Variants in TNFRSF21 observed in about 807,000 individuals in gnomAD.
The protein encoded by TNFRSF21 is tumor necrosis factor receptor superfamily member 21.
Under a neutral mutation model 45.6 loss-of-function variants are expected in TNFRSF21, and 19 were observed. The ratio of observed to expected loss-of-function variants is 0.42; its 90% CI spans 0.29 to 0.61. The LOEUF is 0.61. TNFRSF21 is among the 20% of genes least tolerant of loss of function. The pLI, the probability that TNFRSF21 is intolerant of heterozygous loss-of-function variation, is 0.23. For synonymous variants in TNFRSF21, 314 were observed against 335.5 expected, an observed-to-expected ratio of 0.94 and a Z score of 0.70; for missense variants, 737 against 851.5, an observed-to-expected ratio of 0.87 and a Z score of 1.67.
intron 1 of TNFRSF21, among the ~76,000 whole-genome samples, chr6:47,299,256 C>T (rs965749420): frequency 3.3e-5 from 5 of 152,086 alleles, no homozygotes; most frequent in African/African-American, 1.2e-4. Context: ...TTTGGGAGGC[C>T]GAGGCAGGAG....
rs549927539 is a variant in TNFRSF21 at position 47,301,960 on chromosome 6, C to T, written c.96+7456G>A. ...GGAATCTCTTTCTTCCTTCCCAACA[C>T]CCCCACCTCTCCTAATCCTGGGCAA... is the stretch of plus-strand genomic sequence containing the variant. On this transcript the variant is annotated intron_variant, in intron 1 of 5. Coordinates refer to ENST00000296861, the MANE Select transcript of TNFRSF21 (RefSeq NM_014452.5). 2.1e-4 allele frequency among the ~76,000 whole-genome samples: 32 copies of T among 152,310 alleles called. No homozygotes were observed. The South Asian group carries it at 6.6e-3, about 32-fold the overall frequency.
intron 3 of TNFRSF21, among the ~76,000 whole-genome samples, chr6:47,255,152 T>C (rs1253567444): frequency 1.3e-5 from 2 of 152,142 alleles, no homozygotes; most frequent in African/African-American, 2.4e-5. Context: ...ACCCAGTGAG[T>C]GTGCATCTGT....
At chr6:47,242,788 C>A (rs1454835373) in intron 4 of TNFRSF21, among the ~76,000 whole-genome samples, 1 of 152,214 alleles carries the variant, frequency 6.6e-6, no homozygotes, top group Non-Finnish European at 1.5e-5. Context: ...TGGTTCAGAG[C>A]TGGAGCCCAC....
chr6:47,261,093 AC>A (rs560166640), intron 3 of TNFRSF21, among the ~76,000 whole-genome samples: 195 of 151,540 alleles, frequency 1.3e-3, no homozygotes, highest in East Asian at 2.1e-3. Flanking sequence ...CCCTTCTAAC[AC>A]CCCCCCAAAC....
chr6:47,242,920 A>G lies in TNFRSF21; in HGVS notation c.1510-8022T>C, dbSNP rs369773375. Reference sequence around the variant, plus strand: ...CTTCTATTGGAAAATCTTTCCCACAAAAAAGCCTTTCGATAATTCTATCCA... The same window carrying G: ...CTTCTATTGGAAAATCTTTCCCACAGAAAAGCCTTTCGATAATTCTATCCA... On this transcript the variant is annotated intron_variant, in intron 4 of 5. Transcript: ENST00000296861. Among the ~76,000 whole-genome samples the G allele has an allele frequency of 1.6e-4, 24 of 152,346 alleles. No individual in the cohort carries two copies. In the East Asian group the frequency reaches 4.6e-3, roughly 29 times the overall value.
intron 4 of TNFRSF21, among the ~76,000 whole-genome samples, chr6:47,235,421 G>A (rs1419217544): frequency 3.3e-5 from 5 of 152,170 alleles, no homozygotes; most frequent in Non-Finnish European, 7.3e-5. Flanking sequence ...GGACACAGAC[G>A]CACACAGAGG....
chr6:47,249,770 A>T (rs1046213926), intron 4 of TNFRSF21, among the ~76,000 whole-genome samples: 16 of 152,176 alleles, frequency 1.1e-4, no homozygotes, highest in Non-Finnish European at 2.2e-4. Flanking sequence ...TAAAATGGTA[A>T]AAAGTACACA....
intron 5 of TNFRSF21, among the ~76,000 whole-genome samples, chr6:47,234,264 G>A (rs1252276297): frequency 6.6e-6 from 1 of 152,120 alleles, no homozygotes; most frequent in African/African-American, 2.4e-5. Context: ...GGCGTGAGCT[G>A]CTGCGCACGG....
intron 3 of TNFRSF21, among the ~76,000 whole-genome samples, chr6:47,272,785 G>A (rs1762442112): frequency 6.6e-6 from 1 of 151,796 alleles, no homozygotes; most frequent in South Asian, 2.1e-4. Flanking sequence ...TAATAAAGAA[G>A]AAGAGAGAAG....
rs933495396 is a variant in TNFRSF21 at position 47,309,634 on chromosome 6, C to T, written c.-123G>A. 4.6e-5 allele frequency: 61 copies of T among 1,312,584 alleles called. No individual in the cohort carries two copies. The highest frequency in any genetic ancestry group is 5.9e-5 in the Non-Finnish European group (60 of 1,022,428). The allele number at this position is 1,312,584 out of a possible 1,614,324, so 81.3% of individuals were successfully genotyped here. On this transcript the variant is annotated 5_prime_UTR_variant, in exon 1 of 6. The change creates a new upstream start codon in the 5' untranslated region. Coordinates refer to ENST00000296861, the MANE Select transcript of TNFRSF21 (RefSeq NM_014452.5). ...GCCGGGAGCCCATCTACCTCCAACA[C>T]CCCATGTGCACTGCTGCGGCCGGGC...
rs994269711 is a variant in TNFRSF21 at position 47,309,730 on chromosome 6, G to C, written c.-219C>G. 2 of 530,114 alleles carry C rather than the reference G, an allele frequency of 3.8e-6. No homozygotes were observed. The highest frequency in any genetic ancestry group is 5.8e-6 in the Non-Finnish European group (2 of 343,238). 32.8% of individuals were successfully genotyped at this position (530,114 alleles called of 1,614,324 possible). The stretch of plus-strand genomic sequence containing the variant: ...GCCCAGCGGCGCGGCCGCCCAGGCG[G>C]GGAGAAGCCGCCGCGACTGCAGCCC... On this transcript the variant is annotated 5_prime_UTR_variant, in exon 1 of 6. Coordinates refer to ENST00000296861, the MANE Select transcript of TNFRSF21 (RefSeq NM_014452.5).
At chr6:47,290,790 G>C (rs1010982686) in intron 1 of TNFRSF21, among the ~76,000 whole-genome samples, 2 of 152,176 alleles carry the variant, frequency 1.3e-5, no homozygotes, top group South Asian at 4.1e-4. Flanking sequence ...CTAGAAATGA[G>C]ATTTAGCAAA....
rs1188385291 is a variant in TNFRSF21 at position 47,272,829 on chromosome 6, G to A, written c.1243+11109C>T. 2.6e-5 allele frequency among the ~76,000 whole-genome samples: 4 copies of A among 152,038 alleles called. No individual in the cohort carries two copies. In the South Asian group the frequency reaches 8.3e-4, roughly 32 times the overall value. ...TGATGCAATAAAAAATGATAAAAGG[G>A]ATATCACCACCGATCCCACAGAAAT... On this transcript the variant is annotated intron_variant, in intron 3 of 5. Coordinates refer to ENST00000296861, the MANE Select transcript of TNFRSF21 (RefSeq NM_014452.5).
intron 3 of TNFRSF21, among the ~76,000 whole-genome samples, chr6:47,254,963 C>CCTGTATGTGTA (rs1174627470): frequency 2.0e-5 from 3 of 152,182 alleles, no homozygotes; most frequent in African/African-American, 4.8e-5. Flanking sequence ...GAACCCAACT[C>CCTGTATGTGTA]ACCAGTTTTG....
At chr6:47,307,428 G>T (rs1400342583) in intron 1 of TNFRSF21, among the ~76,000 whole-genome samples, 1 of 152,082 alleles carries the variant, frequency 6.6e-6, no homozygotes, top group Non-Finnish European at 1.5e-5. Context: ...ACTCAAGCTG[G>T]AGTGCCGTGG....
At chr6:47,251,019 G>C (rs920074391) in intron 4 of TNFRSF21, among the ~76,000 whole-genome samples, 10 of 152,184 alleles carry the variant, frequency 6.6e-5, no homozygotes, top group African/African-American at 2.2e-4. Context: ...TGAATTTCAT[G>C]TTTAGATTTG....
At chr6:47,253,084 C>T (rs548424021) in intron 4 of TNFRSF21, among the ~76,000 whole-genome samples, 172 bp downstream of exon 4, 1 of 151,766 alleles carries the variant, frequency 6.6e-6, no homozygotes, top group Non-Finnish European at 1.5e-5. Context: ...CCACTGAGAA[C>T]CCCCGTCCTA....
At chr6:47,233,114 C>A (rs1045273882) in intron 5 of TNFRSF21, 120 bp from the exon 6 acceptor site, 53 of 814,494 alleles carry the variant, frequency 6.5e-5, no homozygotes, top group Non-Finnish European at 9.3e-5. Context: ...CTATTATTCT[C>A]CATCCTCCAT....
intron 3 of TNFRSF21, among the ~76,000 whole-genome samples, chr6:47,261,494 G>T (rs1050482217): frequency 6.6e-6 from 1 of 152,132 alleles, no homozygotes; most frequent in Non-Finnish European, 1.5e-5. Context: ...GAGAACCTGA[G>T]TGGCCCCAGG....
Sources: allele counts gnomAD v4.1 joint callset (sites outside exome capture counted in the v4.1 genomes callset), GRCh38; gene constraint gnomAD v4.1.1; transcripts MANE v1.5; gene names NCBI Gene and HGNC (gene_info 2026-07-23, HGNC 2026-07-21).